The following NRXN3 variants were observed in gnomAD, a reference collection of about 807,000 sequenced individuals.
NRXN3 encodes the protein neurexin III.
Under a neutral mutation model 137.6 loss-of-function variants are expected in NRXN3, and 32 were observed. The ratio of observed to expected loss-of-function variants is 0.23; its 90% confidence interval spans 0.18 to 0.31. The LOEUF (loss-of-function observed/expected upper bound fraction) is 0.31, where lower values mean the gene tolerates loss of function less well. Among genes scored for constraint, NRXN3 ranks in the 10% least tolerant of loss-of-function variants. NRXN3 has a pLI of 1.00. For missense variants in NRXN3, 1,574 were observed against 2,062.5 expected (o/e 0.76, Z 4.59); for synonymous variants, 798 against 784.5 (o/e 1.02, Z -0.29).
intron 15 of NRXN3, among the ~76,000 whole-genome samples, chr14:79,291,919 C>T (rs1483190369): frequency 6.6e-6 from 1 of 151,990 alleles, no homozygotes; most frequent in Non-Finnish European, 1.5e-5. Flanking sequence ...TAAACACCTA[C>T]CTCATATGAG....
intron 15 of NRXN3, among the ~76,000 whole-genome samples, chr14:79,235,052 G>A (rs2153307784): frequency 6.6e-6 from 1 of 152,116 alleles, no homozygotes; most frequent in South Asian, 2.1e-4. Context: ...AATACATTAA[G>A]TATGTTTTTA....
At chr14:79,606,621 T>C (rs1357492933) in intron 16 of NRXN3, among the ~76,000 whole-genome samples, 1 of 152,250 alleles carries the variant, frequency 6.6e-6, no homozygotes, top group Non-Finnish European at 1.5e-5. Flanking sequence ...TAACTTTTCA[T>C]TGATCATCAA....
chr14:79,591,189 A>G (rs147250750), intron 16 of NRXN3, among the ~76,000 whole-genome samples: 39 of 152,348 alleles, frequency 2.6e-4, no homozygotes, highest in African/African-American at 9.4e-4. Context: ...TATGAAAAAT[A>G]TACTATTTAT....
In NRXN3 at chr14:78,376,671, A is replaced by G. The variant is rs556273462; in HGVS notation, c.757+78811A>G. ...TGAAAAGCTGGAAACATCAATCTAC[A>G]CAGGCAAAAAAGCCCAAGAAAAGCC... On this transcript the variant is annotated intron_variant, in intron 4 of 20. Transcript: ENST00000335750. Among the ~76,000 whole-genome samples, 4 of 152,350 alleles carry G rather than the reference A, an allele frequency of 2.6e-5. No individual in the cohort carries two copies. In the South Asian group the frequency reaches 8.3e-4, roughly 32 times the overall value.
At position 79,864,264 on chromosome 14, in the gene NRXN3, A is replaced by G. The variant is rs745816784; in HGVS notation, c.*2300A>G. On this transcript the variant is annotated 3_prime_UTR_variant, in exon 21 of 21. Coordinates refer to ENST00000335750, the MANE Select transcript of NRXN3 (RefSeq NM_001330195.2). ...TTTTATGGGAACATGTGCATTCTCT[A>G]TGTGAGCTTCTATCATATTCCTGTT... 1.3e-5 allele frequency: 2 copies of G among 152,628 alleles called. No individual in the cohort carries two copies. Among genetic ancestry groups the G allele is most frequent in the African/African-American group, 4.8e-5 (2 of 41,456 alleles). The allele number at this position is 152,628 out of a possible 1,614,324, so 9.5% of individuals were successfully genotyped here. A position where few individuals can be genotyped will look rare whatever the true frequency, so the allele number is the denominator to read the frequency against.
At chr14:78,921,303 G>A (rs2099270440) in intron 10 of NRXN3, among the ~76,000 whole-genome samples, 1 of 152,214 alleles carries the variant, frequency 6.6e-6, no homozygotes. Flanking sequence ...TAATGGAGCA[G>A]ACACAGTCCT....
intron 10 of NRXN3, among the ~76,000 whole-genome samples, chr14:78,953,066 A>T (rs2099390114): frequency 6.6e-6 from 1 of 152,146 alleles, no homozygotes; most frequent in African/African-American, 2.4e-5. Flanking sequence ...TCCTGGGGGG[A>T]ATAAGAAATT....
At chr14:79,441,123 T>G (rs1263920212) in intron 15 of NRXN3, among the ~76,000 whole-genome samples, 1 of 152,184 alleles carries the variant, frequency 6.6e-6, no homozygotes, top group Non-Finnish European at 1.5e-5. Flanking sequence ...AGGTTTCAAA[T>G]TTTCCCTTGT....
At chr14:78,469,463 T>C (rs2095211300) in intron 4 of NRXN3, among the ~76,000 whole-genome samples, 1 of 152,180 alleles carries the variant, frequency 6.6e-6, no homozygotes, top group Non-Finnish European at 1.5e-5. Context: ...AATCAATGTT[T>C]TCAGGGTTGC....
chr14:78,475,188 CA>C (rs1484096402), intron 4 of NRXN3, among the ~76,000 whole-genome samples: 2 of 151,810 alleles, frequency 1.3e-5, no homozygotes, highest in Non-Finnish European at 2.9e-5. Flanking sequence ...GGAGACTGGA[CA>C]GGTGTGAAAA....
intron 6 of NRXN3, among the ~76,000 whole-genome samples, chr14:78,655,382 T>C (rs2097776554): frequency 6.6e-6 from 1 of 152,164 alleles, no homozygotes; most frequent in South Asian, 2.1e-4. Context: ...TGAATATCCA[T>C]TAACACATGG....
intron 6 of NRXN3, among the ~76,000 whole-genome samples, chr14:78,657,046 CAAAAAAAAAAAAA>C (rs1174872709): frequency 9.7e-5 from 3 of 31,056 alleles, no homozygotes; most frequent in East Asian, 7.8e-4. Flanking sequence ...GACTCCGTCT[CAAAAAAAAAAAAA>C]AAAAAAAAAA....
intron 15 of NRXN3, among the ~76,000 whole-genome samples, chr14:79,411,759 A>G (rs1458517225): frequency 1.3e-5 from 2 of 152,188 alleles, no homozygotes; most frequent in Non-Finnish European, 2.9e-5. Flanking sequence ...TTATTCAACA[A>G]GTAAACAATT....
chr14:78,851,547 G>A (rs558800823), intron 10 of NRXN3, among the ~76,000 whole-genome samples: 30 of 152,250 alleles, frequency 2.0e-4, no homozygotes, highest in Non-Finnish European at 3.1e-4. Context: ...TGCCTGTACC[G>A]GTAAAACTTT....
At chr14:78,303,842 C>T (rs370799463) in intron 4 of NRXN3, among the ~76,000 whole-genome samples, 5 of 152,226 alleles carry the variant, frequency 3.3e-5, no homozygotes, top group South Asian at 2.1e-4. Flanking sequence ...CCTTGAGTCA[C>T]GTTTACTCAT....
chr14:79,428,977 AT>A (rs1353072360), intron 15 of NRXN3, among the ~76,000 whole-genome samples: 2 of 152,188 alleles, frequency 1.3e-5, no homozygotes, highest in African/African-American at 4.8e-5. Flanking sequence ...ACAAATTCTT[AT>A]GAGAAAAGTG....
At position 78,812,898 on chromosome 14, in the gene NRXN3, C is replaced by T. The variant is rs190331028; in HGVS notation, c.2275+2554C>T. The stretch of plus-strand genomic sequence containing the variant: ...AATATCAGAGAAATAATACAGTGCT[C>T]AATGGTTGACCAGTGTTTGACTGGA... On this transcript the variant is annotated intron_variant, in intron 10 of 20. Coordinates refer to ENST00000335750, the MANE Select transcript of NRXN3 (RefSeq NM_001330195.2). Among the ~76,000 whole-genome samples, 10 of 152,234 alleles carry T rather than the reference C, an allele frequency of 6.6e-5. No homozygotes were observed. In the East Asian group the frequency reaches 1.7e-3, roughly 26 times the overall value.
chr14:79,589,970 G>A (rs773598587), intron 16 of NRXN3, among the ~76,000 whole-genome samples: 4 of 152,190 alleles, frequency 2.6e-5, no homozygotes, highest in Admixed American at 6.5e-5. Context: ...GCAGAAACAT[G>A]AGTAATAGCT....
intron 10 of NRXN3, among the ~76,000 whole-genome samples, chr14:78,881,303 C>T (rs1206173321): frequency 1.3e-5 from 2 of 151,604 alleles, no homozygotes; most frequent in African/African-American, 2.4e-5. Flanking sequence ...GTAGAAGCAC[C>T]TTTGGAACTG....
Sources: gnomAD v4.1 joint callset for allele counts (sites outside exome capture counted in the v4.1 genomes callset) on GRCh38, gnomAD v4.1.1 for gene constraint, MANE v1.5 for transcripts, NCBI Gene and HGNC (gene_info 2026-07-23, HGNC 2026-07-21) for gene names.